MLIP: variants seen among roughly 807,000 people sequenced by gnomAD.
The protein encoded by MLIP is muscular LMNA interacting protein.
In MLIP, 79 loss-of-function variants were observed where a neutral mutation model predicts 84.8. The ratio of observed to expected loss-of-function variants is 0.93; its 90% CI spans 0.78 to 1.12. The LOEUF is 1.12. Among genes scored for constraint, MLIP ranks in the 50% most tolerant of loss-of-function variants. The probability of loss-of-function intolerance (pLI) is 0.00; values close to 1 mark genes in which losing one functional copy is unlikely to be tolerated. For missense variants in MLIP, 1,257 were observed against 1,160.6 expected (o/e 1.08, Z -1.21); for synonymous variants, 504 against 463.0 (o/e 1.09, Z -1.14).
chr6:54,210,753 A>T (rs1290547808), intron 11 of MLIP, among the ~76,000 whole-genome samples: 1 of 139,740 alleles, frequency 7.2e-6, no homozygotes, highest in East Asian at 2.1e-4. Flanking sequence ...AAAATGTTCT[A>T]ATGTTCAAAT....
At chr6:54,046,376 G>C (rs371943040) in intron 1 of MLIP, 108 of 150,434 alleles carry the variant, frequency 7.2e-4, no homozygotes, top group African/African-American at 2.5e-3. Flanking sequence ...AAAGTTAAAA[G>C]AAAAATGTTC....
chr6:54,176,080 A>G (rs911171027), intron 9 of MLIP, among the ~76,000 whole-genome samples: 1 of 152,024 alleles, frequency 6.6e-6, no homozygotes, highest in Admixed American at 6.6e-5. Flanking sequence ...GATAAATCCT[A>G]CTTGATCATG....
chr6:54,086,953 T>C (rs2150365210), intron 1 of MLIP, among the ~76,000 whole-genome samples: 1 of 152,310 alleles, frequency 6.6e-6, no homozygotes, highest in South Asian at 2.1e-4. Flanking sequence ...TAGTTCCTTC[T>C]CAGCACGACC....
intron 9 of MLIP, among the ~76,000 whole-genome samples, chr6:54,187,228 G>A (rs1280565662): frequency 6.6e-6 from 1 of 152,040 alleles, no homozygotes; most frequent in African/African-American, 2.4e-5. Flanking sequence ...CCCCCATGAG[G>A]GCAAATGTAC....
chr6:54,255,388 C>T (rs148260225), intron 12 of MLIP, among the ~76,000 whole-genome samples: 3 of 152,096 alleles, frequency 2.0e-5, no homozygotes, highest in South Asian at 2.1e-4. Flanking sequence ...AATGAACAAA[C>T]CCATATAAAG....
chr6:54,124,425 A>G, intron 2 of MLIP, 48 bp from the exon 3 acceptor site: 2 of 1,525,674 alleles, frequency 1.3e-6, no homozygotes, highest in Non-Finnish European at 1.8e-6. Context: ...AAAAAGAAGC[A>G]TTTATTAAAC....
chr6:54,215,101 G>C, intron 11 of MLIP: 1 of 1,441,430 alleles, frequency 6.9e-7, no homozygotes, highest in Non-Finnish European at 9.4e-7. Context: ...TCTACACGCT[G>C]TGTACTTCCT....
intron 1 of MLIP, among the ~76,000 whole-genome samples, chr6:54,071,338 AC>A (rs1180158061): frequency 6.6e-6 from 1 of 151,738 alleles, no homozygotes; most frequent in African/African-American, 2.4e-5. Context: ...AGAAAAAAAA[AC>A]AAAGTTATCT....
intron 9 of MLIP, among the ~76,000 whole-genome samples, chr6:54,187,147 C>G (rs1275328153): frequency 6.6e-6 from 1 of 152,172 alleles, no homozygotes; most frequent in African/African-American, 2.4e-5. Flanking sequence ...GATCTGCCAT[C>G]TAGAGATTTA....
chr6:54,156,577 C>T (rs1331456825), intron 5 of MLIP, among the ~76,000 whole-genome samples: 1 of 152,106 alleles, frequency 6.6e-6, no homozygotes, highest in Non-Finnish European at 1.5e-5. Context: ...ACAAATTTAA[C>T]TGTAATATAG....
chr6:54,166,396 T>C (rs975826722), intron 8 of MLIP, among the ~76,000 whole-genome samples: 4 of 151,846 alleles, frequency 2.6e-5, no homozygotes, highest in East Asian at 1.9e-4. Flanking sequence ...TTAGATCCCC[T>C]TTTTTTATGT....
At chr6:54,115,804 A>G (rs1769864325) in intron 1 of MLIP, among the ~76,000 whole-genome samples, 1 of 152,170 alleles carries the variant, frequency 6.6e-6, no homozygotes, top group South Asian at 2.1e-4. Context: ...CAGTAAAGAT[A>G]AGCAAGGAGG....
At chr6:54,154,138 C>A (rs1773767173) in intron 5 of MLIP, among the ~76,000 whole-genome samples, 1 of 151,966 alleles carries the variant, frequency 6.6e-6, no homozygotes, top group South Asian at 2.1e-4. Flanking sequence ...CTTGAAGAGG[C>A]AGATATACTA....
At chr6:54,264,021 G>A (rs1039703493) in intron 13 of MLIP, among the ~76,000 whole-genome samples, 14 of 151,972 alleles carry the variant, frequency 9.2e-5, no homozygotes, top group South Asian at 2.1e-4. Flanking sequence ...TGTCTAAAAC[G>A]ATGGCTGTAG....
At chr6:54,138,791 A>C (rs1306085203) in intron 4 of MLIP, among the ~76,000 whole-genome samples, 1 of 152,176 alleles carries the variant, frequency 6.6e-6, no homozygotes, top group African/African-American at 2.4e-5. Context: ...AAGCAACTCT[A>C]CACTAAGGCA....
chr6:54,027,330 C>T (rs1763863039), intron 1 of MLIP, among the ~76,000 whole-genome samples: 1 of 149,708 alleles, frequency 6.7e-6, no homozygotes, highest in East Asian at 2.0e-4. Context: ...CACACTTAAC[C>T]TAAAATAAAG....
At chr6:54,022,476 A>T (rs1211321946) in intron 1 of MLIP, among the ~76,000 whole-genome samples, 1 of 152,232 alleles carries the variant, frequency 6.6e-6, no homozygotes, top group Admixed American at 6.5e-5. Flanking sequence ...AAAGAGATAC[A>T]TTCAAGCTGG....
chr6:54,048,348 G>T (rs1026049868), intron 1 of MLIP, among the ~76,000 whole-genome samples: 4 of 152,170 alleles, frequency 2.6e-5, no homozygotes, highest in African/African-American at 9.7e-5. Context: ...TGATGGTCCT[G>T]TAGCCAGGCA....
intron 12 of MLIP, among the ~76,000 whole-genome samples, chr6:54,235,414 A>G (rs1391550562): frequency 6.6e-6 from 1 of 152,156 alleles, no homozygotes; most frequent in Non-Finnish European, 1.5e-5. Flanking sequence ...TTCTCCATGC[A>G]TCAGTACTCA....
Sources: allele counts gnomAD v4.1 joint callset (sites outside exome capture counted in the v4.1 genomes callset), GRCh38; gene constraint gnomAD v4.1.1; transcripts MANE v1.5; gene names NCBI Gene and HGNC (gene_info 2026-07-23, HGNC 2026-07-21).